The following CHD6 variants were observed in gnomAD, a reference collection of about 807,000 sequenced individuals.
The protein encoded by CHD6 is ATP-dependent chromatin remodeler CHD6.
A neutral mutation model predicts 276.9 loss-of-function variants in CHD6; 50 were observed. The ratio of observed to expected loss-of-function variants is 0.18; its 90% confidence interval spans 0.14 to 0.23. CHD6 has a LOEUF of 0.23. Ranked by LOEUF, CHD6 falls within the 10% of genes least tolerant of loss-of-function variation. CHD6 has a pLI of 1.00. For missense variants in CHD6, 2,564 were observed against 3,365.8 expected, an observed-to-expected ratio of 0.76 and a Z score of 5.89; for synonymous variants, 1,173 against 1,229.3, an observed-to-expected ratio of 0.95 and a Z score of 0.96.
chr20:41,503,904 C>A (rs2043901736), intron 5 of CHD6, among the ~76,000 whole-genome samples: 1 of 151,532 alleles, frequency 6.6e-6, no homozygotes, highest in African/African-American at 2.4e-5. Flanking sequence ...ACGGTGAAGC[C>A]CCATCTCTAC....
intron 1 of CHD6, among the ~76,000 whole-genome samples, chr20:41,563,011 A>G (rs1042739276): frequency 1.1e-4 from 16 of 152,248 alleles, no homozygotes; most frequent in Non-Finnish European, 1.3e-4. Context: ...CCGGTCTGAA[A>G]GGATGCATTA....
At chr20:41,504,409 T>C (rs999712950) in intron 5 of CHD6, among the ~76,000 whole-genome samples, 36 of 86,082 alleles carry the variant, frequency 4.2e-4, no homozygotes, top group East Asian at 3.7e-3. Flanking sequence ...TTTTCTTTTT[T>C]TTTTTTTTTT....
chr20:41,441,584 T>A (rs1286559832), intron 25 of CHD6, among the ~76,000 whole-genome samples: 2 of 152,240 alleles, frequency 1.3e-5, no homozygotes, highest in South Asian at 2.1e-4. Flanking sequence ...TGCTCAGGCA[T>A]GGAGCAAGCT....
intron 5 of CHD6, among the ~76,000 whole-genome samples, chr20:41,502,242 A>AT (rs2043847248): frequency 6.6e-6 from 1 of 152,244 alleles, no homozygotes; most frequent in South Asian, 2.1e-4. Context: ...TAGTAGCCAC[A>AT]TTAAAAAAGT....
chr20:41,604,587 C>T (rs1013734679), intron 1 of CHD6, among the ~76,000 whole-genome samples: 1 of 152,122 alleles, frequency 6.6e-6, no homozygotes, highest in Non-Finnish European at 1.5e-5. Flanking sequence ...ACTCAAATGG[C>T]CTTAATCCTA....
At chr20:41,535,978 T>C (rs2044821948) in intron 2 of CHD6, among the ~76,000 whole-genome samples, 1 of 152,210 alleles carries the variant, frequency 6.6e-6, no homozygotes. Flanking sequence ...AAAATTATAA[T>C]TGAAAAGTCT....
At chr20:41,612,604 G>A (rs1197510102) in intron 1 of CHD6, among the ~76,000 whole-genome samples, 1 of 152,150 alleles carries the variant, frequency 6.6e-6, no homozygotes, top group Non-Finnish European at 1.5e-5. Context: ...CTATAATAAA[G>A]TCTCTGTGTT....
In CHD6 at chr20:41,413,407, C is replaced by T. The variant is rs777969612; in HGVS notation, c.7048G>A (p.Glu2350Lys). 17 of 1,612,044 alleles carry T rather than the reference C, an allele frequency of 1.1e-5. No individual in the cohort carries two copies. Among genetic ancestry groups the T allele is most frequent in the Middle Eastern group, 2.2e-4 (1 of 4,472 alleles). The part of the protein sequence containing the change: ...EPATAASSQA[E>K]KSIPSKSLLD... ...AGACTCTTGCTGGGAATGGATTTCT[C>T]GGCTTGGCTGCTGGCTGCCGTAGCT... The change falls in exon 35 of 37, where the codon GAG (glutamate) becomes AAG (lysine). Residue 2350 changes from glutamate to lysine, a missense_variant. This residue lies in a region of CHD6 where 1,024 missense variants were observed against 1,047.9 expected (regional missense o/e 0.98). Coordinates refer to ENST00000373233, the MANE Select transcript of CHD6 (RefSeq NM_032221.5).
At position 41,426,108 on chromosome 20, in the gene CHD6, C is replaced by A; in HGVS notation, c.4114G>T (p.Asp1372Tyr). The change falls in exon 28 of 37, where the codon GAT (aspartate) becomes TAT (tyrosine). Residue 1372 changes from aspartate (D) to tyrosine (Y), a missense_variant. Physicochemically the swap from Asp to Tyr is radical, Grantham distance 160 (BLOSUM62 -3). Around this residue, in one of 7 missense-constraint regions of CHD6, gnomAD observed 515 missense variants for 739.5 expected, o/e 0.70. Coordinates refer to ENST00000373233, the MANE Select transcript of CHD6 (RefSeq NM_032221.5). Reference sequence around the variant, plus strand: ...ATAGTCTCACCTGCCCGGCTGTCATCCTTCTTTTCGCTAAAAACGCCATCA... The same window carrying A: ...ATAGTCTCACCTGCCCGGCTGTCATACTTCTTTTCGCTAAAAACGCCATCA... ...GGDGVFSEKK[D>Y]DSRAAQDGSD... The A allele has an allele frequency of 6.2e-7, 1 of 1,612,816 alleles. No homozygotes were observed.
chr20:41,503,750 A>G (rs1033673314), intron 5 of CHD6, among the ~76,000 whole-genome samples: 5 of 151,992 alleles, frequency 3.3e-5, no homozygotes, highest in Non-Finnish European at 7.4e-5. Flanking sequence ...CTCTGCTCCA[A>G]TCTCCTCTAT....
chr20:41,518,105 T>A (rs2044295267), intron 3 of CHD6, among the ~76,000 whole-genome samples: 1 of 152,174 alleles, frequency 6.6e-6, no homozygotes, highest in Non-Finnish European at 1.5e-5. Context: ...GCTTACAATA[T>A]CCCAAAAGTC....
intron 1 of CHD6, among the ~76,000 whole-genome samples, chr20:41,603,748 T>C (rs903774822): frequency 6.6e-5 from 10 of 151,956 alleles, no homozygotes; most frequent in African/African-American, 2.4e-4. Context: ...GCACCTGTAA[T>C]CCCAGCTACT....
intron 16 of CHD6, among the ~76,000 whole-genome samples, chr20:41,476,792 T>TAAAG (rs559954772): frequency 1.6e-5 from 2 of 122,194 alleles, no homozygotes; most frequent in Non-Finnish European, 3.6e-5. Flanking sequence ...TCTAAAAAAA[T>TAAAG]AAAGAAAGAA....
At chr20:41,534,217 C>A (rs2044767446) in intron 2 of CHD6, among the ~76,000 whole-genome samples, 1 of 152,124 alleles carries the variant, frequency 6.6e-6, no homozygotes, top group Non-Finnish European at 1.5e-5. Context: ...TGGTCTGGAA[C>A]AAAGAAATAA....
At chr20:41,537,038 T>C (rs1403637803) in intron 2 of CHD6, among the ~76,000 whole-genome samples, 1 of 152,190 alleles carries the variant, frequency 6.6e-6, no homozygotes, top group Non-Finnish European at 1.5e-5. Context: ...GATTCTTTCT[T>C]TGAAAGAAAA....
At chr20:41,560,849 AC>A (rs941320768) in intron 1 of CHD6, among the ~76,000 whole-genome samples, 4 of 151,788 alleles carry the variant, frequency 2.6e-5, no homozygotes, top group Non-Finnish European at 2.9e-5. Context: ...AAAAAAAAAA[AC>A]AGTCCCCGAT....
chr20:41,406,587 C>A (rs2046682604), intron 36 of CHD6, among the ~76,000 whole-genome samples: 1 of 152,202 alleles, frequency 6.6e-6, no homozygotes, highest in Non-Finnish European at 1.5e-5. Flanking sequence ...CAGCCAGGAA[C>A]CTGGTCCCTG....
chr20:41,554,922 A>G (rs1217639981), intron 1 of CHD6, among the ~76,000 whole-genome samples: 5 of 149,734 alleles, frequency 3.3e-5, no homozygotes, highest in Admixed American at 6.6e-5. Flanking sequence ...GGTGGTGGCC[A>G]GGCAGAGGGG....
At position 41,529,742 on chromosome 20, in the gene CHD6, T is replaced by A. The variant is rs554632879; in HGVS notation, c.554+3308A>T. 3.0e-4 allele frequency among the ~76,000 whole-genome samples: 46 copies of A among 152,058 alleles called. No individual in the cohort carries two copies. The South Asian group carries it at 9.6e-3, about 32-fold the overall frequency. On this transcript the variant is annotated intron_variant, in intron 3 of 36. Transcript: ENST00000373233. Reference sequence around the variant, plus strand: ...CGCCAGAGATGGAAAGAGAGGGAGATGTCAGACCCCAGAGGGTCTGAATAA... The same window carrying A: ...CGCCAGAGATGGAAAGAGAGGGAGAAGTCAGACCCCAGAGGGTCTGAATAA...
Sources: gnomAD v4.1 joint callset for allele counts (sites outside exome capture counted in the v4.1 genomes callset) on GRCh38, gnomAD v4.1.1 for gene constraint, gnomAD v4.1.1 regional missense constraint, MANE v1.5 for transcripts, NCBI Gene and HGNC (gene_info 2026-07-23, HGNC 2026-07-21) for gene names.